CFAP20DC: variants seen among roughly 807,000 people sequenced by gnomAD.
CFAP20DC encodes the protein protein CFAP20DC.
CFAP20DC carries 84 observed loss-of-function variants against 101.7 expected under a neutral mutation model. The ratio of observed to expected loss-of-function variants is 0.83; its 90% CI spans 0.69 to 0.99. CFAP20DC has a LOEUF of 0.99. Among genes scored for constraint, CFAP20DC ranks in the 50% least tolerant of loss-of-function variants. The pLI is 0.00. For missense variants in CFAP20DC, 1,007 were observed against 970.3 expected (o/e 1.04, Z -0.50); for synonymous variants, 359 against 351.2 (o/e 1.02, Z -0.25).
At chr3:59,042,446 T>A (rs1053668322) in intron 3 of CFAP20DC, among the ~76,000 whole-genome samples, 1 of 151,950 alleles carries the variant, frequency 6.6e-6, no homozygotes, top group Admixed American at 6.6e-5. Context: ...CGGGGGTAAA[T>A]GCTGTAGGTA....
rs1366032331 is a variant in CFAP20DC at position 58,790,512 on chromosome 3, A to G, written c.2237+15883T>C. Among the ~76,000 whole-genome samples the G allele has an allele frequency of 2.6e-5, 4 of 152,208 alleles. No homozygotes were observed. The East Asian group carries it at 7.7e-4, about 29-fold the overall frequency. On this transcript the variant is annotated intron_variant, in intron 15 of 16. Transcript: ENST00000482387. ...CAGGTTCCATGAGCAGATGAACAGA[A>G]GAGCAGAAGAGCAGCAGAGAAGGAG...
intron 14 of CFAP20DC, among the ~76,000 whole-genome samples, chr3:58,830,754 G>C (rs977135297): frequency 1.3e-5 from 2 of 152,090 alleles, no homozygotes; most frequent in African/African-American, 4.8e-5. Flanking sequence ...TAGTCTGTTT[G>C]CTATGATATT....
chr3:58,777,462 G>T (rs1217096666), intron 15 of CFAP20DC, among the ~76,000 whole-genome samples: 1 of 152,160 alleles, frequency 6.6e-6, no homozygotes, highest in Admixed American at 6.5e-5. Context: ...ACCTGTTTCA[G>T]ATATTTGGGT....
chr3:59,003,424 A>G (rs2093360376), intron 4 of CFAP20DC, among the ~76,000 whole-genome samples: 1 of 152,194 alleles, frequency 6.6e-6, no homozygotes, highest in African/African-American at 2.4e-5. Context: ...TGTGCTTTAG[A>G]ATAGCAAGCT....
At chr3:58,772,056 G>C (rs1239886115) in intron 15 of CFAP20DC, among the ~76,000 whole-genome samples, 1 of 152,200 alleles carries the variant, frequency 6.6e-6, no homozygotes, top group Non-Finnish European at 1.5e-5. Flanking sequence ...AGAAGGCAGA[G>C]AAAGTCTTTC....
At position 58,971,202 on chromosome 3, in the gene CFAP20DC, C is replaced by G. The variant is rs1055709832; in HGVS notation, c.279-33440G>C. Among the ~76,000 whole-genome samples, 1 of 152,140 alleles carries G rather than the reference C, an allele frequency of 6.6e-6. No individual in the cohort carries two copies. Among genetic ancestry groups the G allele is most frequent in the Non-Finnish European group, 1.5e-5 (1 of 68,022 alleles). The stretch of plus-strand genomic sequence containing the variant: ...CAAACGATCACTTTCTGAAGCTTAC[C>G]ATAAAGAAGATATTTGGCACTGAAA... On this transcript the variant is annotated intron_variant, in intron 4 of 16. Transcript: ENST00000482387. This position sits in a 1 kb window ranked among gnomAD's most constrained non-coding sequence, Gnocchi z 4.1.
intron 12 of CFAP20DC, among the ~76,000 whole-genome samples, chr3:58,852,004 C>T (rs1017420352): frequency 1.3e-5 from 2 of 152,128 alleles, no homozygotes; most frequent in Non-Finnish European, 2.9e-5. Context: ...TGTTCTTGTT[C>T]TTTCACCCTC....
intron 4 of CFAP20DC, among the ~76,000 whole-genome samples, chr3:58,955,358 T>C (rs1034659236): frequency 6.6e-6 from 1 of 152,160 alleles, no homozygotes; most frequent in African/African-American, 2.4e-5. Context: ...CCCTCCCCCA[T>C]GTTCGGTTGT....
At chr3:58,935,258 T>C (rs2087374655) in intron 5 of CFAP20DC, among the ~76,000 whole-genome samples, 1 of 151,952 alleles carries the variant, frequency 6.6e-6, no homozygotes, top group Non-Finnish European at 1.5e-5. Flanking sequence ...AAACCACTGC[T>C]CAAGGAAATA....
intron 4 of CFAP20DC, among the ~76,000 whole-genome samples, chr3:59,008,233 A>C (rs2093486228): frequency 6.6e-6 from 1 of 152,176 alleles, no homozygotes; most frequent in South Asian, 2.1e-4. Context: ...GTCTGATGTG[A>C]ATAGCTAAAA....
intron 4 of CFAP20DC, among the ~76,000 whole-genome samples, chr3:58,978,081 G>A (rs2092356329): frequency 6.6e-6 from 1 of 152,140 alleles, no homozygotes; most frequent in South Asian, 2.1e-4. Context: ...GAGTGCCAAG[G>A]CCTGCATAGC....
chr3:58,869,268 A>C lies in CFAP20DC; in HGVS notation c.1015+60T>G. 3 of 1,360,702 alleles carry C rather than the reference A, an allele frequency of 2.2e-6. No individual in the cohort carries two copies. The highest frequency in any genetic ancestry group is 3.0e-6 in the Non-Finnish European group (3 of 988,218). 84.3% of individuals were successfully genotyped at this position (1,360,702 alleles called of 1,614,324 possible). On this transcript the variant is annotated intron_variant, in intron 9 of 16. Transcript: ENST00000482387. The surrounding 1 kb of genome is among the most constrained non-coding windows in gnomAD (Gnocchi z 4.3). ...TGAATATAACTGCTGATTTATCTTAACAAGAACATTTCTCACTATTTTCAC... is the reference window on the plus strand; with the variant it reads ...TGAATATAACTGCTGATTTATCTTACCAAGAACATTTCTCACTATTTTCAC...
At chr3:58,851,964 C>T (rs559777212) in intron 12 of CFAP20DC, among the ~76,000 whole-genome samples, 1 of 152,264 alleles carries the variant, frequency 6.6e-6, no homozygotes, top group South Asian at 2.1e-4. Flanking sequence ...CTTTGGCTAA[C>T]TTTCTCAAAC....
At chr3:58,958,236 T>A (rs1351135798) in intron 4 of CFAP20DC, among the ~76,000 whole-genome samples, 2 of 152,166 alleles carry the variant, frequency 1.3e-5, no homozygotes, top group African/African-American at 4.8e-5. Context: ...CTGGTTTTGG[T>A]CTCTAAATTC....
intron 15 of CFAP20DC, among the ~76,000 whole-genome samples, chr3:58,789,244 G>A (rs1321206866): frequency 2.0e-5 from 3 of 152,112 alleles, no homozygotes; most frequent in African/African-American, 2.4e-5. Context: ...TAACTTTAAC[G>A]AGAGAATAAT....
At chr3:58,990,685 G>A (rs912331221) in intron 4 of CFAP20DC, among the ~76,000 whole-genome samples, 24 of 151,886 alleles carry the variant, frequency 1.6e-4, no homozygotes, top group African/African-American at 7.3e-5. Flanking sequence ...CAATGCCAAC[G>A]TGATGCTCAA....
chr3:59,005,436 A>G (rs1402801746), intron 4 of CFAP20DC, among the ~76,000 whole-genome samples: 2 of 152,244 alleles, frequency 1.3e-5, no homozygotes, highest in Non-Finnish European at 2.9e-5. Context: ...TAGCTGATAC[A>G]GACAAGTTTC....
At chr3:58,781,867 A>T (rs145751113) in intron 15 of CFAP20DC, among the ~76,000 whole-genome samples, 8 of 151,942 alleles carry the variant, frequency 5.3e-5, no homozygotes, top group African/African-American at 1.9e-4. Flanking sequence ...AAAGAACATG[A>T]ATTCTTCTTG....
At chr3:58,895,157 G>A (rs1315279149) in intron 6 of CFAP20DC, among the ~76,000 whole-genome samples, 1 of 152,216 alleles carries the variant, frequency 6.6e-6, no homozygotes, top group Non-Finnish European at 1.5e-5. Flanking sequence ...TTGTCTTAGG[G>A]GTTAACATTC....
Sources: gnomAD v4.1 joint callset for allele counts (sites outside exome capture counted in the v4.1 genomes callset) on GRCh38, gnomAD v4.1.1 for gene constraint, Gnocchi (gnomAD v3.1) non-coding constraint, MANE v1.5 for transcripts, NCBI Gene and HGNC (gene_info 2026-07-23, HGNC 2026-07-21) for gene names.